RFWD3: variants seen among roughly 807,000 people sequenced by gnomAD.
The protein encoded by RFWD3 is ring finger and WD repeat domain 3.
A neutral mutation model predicts 87.7 loss-of-function variants in RFWD3; 65 were observed. That is an observed-to-expected ratio of 0.74 (90% CI 0.61 to 0.91). RFWD3 has a LOEUF of 0.91. Ranked by LOEUF, RFWD3 falls within the 40% of genes least tolerant of loss-of-function variation. RFWD3 has a pLI of 0.00. For missense variants in RFWD3, 1,078 were observed against 938.5 expected, an observed-to-expected ratio of 1.15 and a Z score of -1.94; for synonymous variants, 433 against 352.8, an observed-to-expected ratio of 1.23 and a Z score of -2.55.
Position 74,644,592 on chromosome 16 carries a change from C to T in RFWD3, c.936G>A (p.Gly312=). The part of the protein sequence containing the change: ...LSALRCGHLF[G]YRCISTWLKG... ...TAAGCCACGTGGAAATGCACCTATA[C>T]CCAAAGAGATGCCCACAGCGTAATG... The change falls in exon 5 of 13, where the codon GGG becomes GGA. Residue 312 remains glycine, a synonymous_variant. Transcript: ENST00000361070. 1 of 1,614,164 alleles carries T rather than the reference C, an allele frequency of 6.2e-7. No individual in the cohort carries two copies. The highest frequency in any genetic ancestry group is 8.5e-7 in the Non-Finnish European group (1 of 1,180,040).
chr16:74,628,400 T>C, intron 11 of RFWD3, 52 bp downstream of exon 11: 1 of 1,560,146 alleles, frequency 6.4e-7, no homozygotes, highest in Non-Finnish European at 8.8e-7. Flanking sequence ...CCTTCCCTTT[T>C]CTCTACCACT....
chr16:74,646,814 T>C (rs1184744061), intron 4 of RFWD3, among the ~76,000 whole-genome samples: 1 of 152,190 alleles, frequency 6.6e-6, no homozygotes, highest in Non-Finnish European at 1.5e-5. Flanking sequence ...GGCTCACGCC[T>C]GTAATCCCAG....
At chr16:74,634,516 C>T (rs1192932703) in intron 8 of RFWD3, among the ~76,000 whole-genome samples, 1 of 152,192 alleles carries the variant, frequency 6.6e-6, no homozygotes, top group Middle Eastern at 3.4e-3. Flanking sequence ...TCCCAAGTAG[C>T]TGGGACCAGA....
intron 2 of RFWD3, 33 bp downstream of exon 2, chr16:74,660,899 A>C (rs777430520): frequency 1.9e-6 from 3 of 1,578,056 alleles, no homozygotes; most frequent in African/African-American, 2.7e-5. Flanking sequence ...CTAGTACAGC[A>C]ATGATCACAG....
chr16:74,655,180 C>A (rs1315934008), intron 2 of RFWD3, among the ~76,000 whole-genome samples: 1 of 152,198 alleles, frequency 6.6e-6, no homozygotes, highest in Admixed American at 6.5e-5. Flanking sequence ...GGCTTCAAGG[C>A]TCAAAGGACA....
intron 8 of RFWD3, among the ~76,000 whole-genome samples, chr16:74,634,119 TGA>T (rs1345516479): frequency 6.6e-6 from 1 of 152,178 alleles, no homozygotes; most frequent in Non-Finnish European, 1.5e-5. Flanking sequence ...ATAAAGCTGT[TGA>T]GAGACAGAAT....
At chr16:74,633,064 G>T (rs981408261) in intron 8 of RFWD3, among the ~76,000 whole-genome samples, 14 of 151,810 alleles carry the variant, frequency 9.2e-5, no homozygotes, top group Admixed American at 1.3e-4. Context: ...ATTACCTGAG[G>T]TCAGGAGTTC....
rs578041008 is a variant in RFWD3, at chr16:74,661,038, T to G, written c.412A>C (p.Arg138=). 31 of 1,614,230 alleles carry G rather than the reference T, an allele frequency of 1.9e-5. No homozygotes were observed. In the Admixed American group the frequency reaches 4.0e-4, roughly 21 times the overall value. ...QRLHGMLEFL[R]PSSSNHSVGP... is the part of the protein sequence containing the mutation. ...ACACTGTGGTTTGAAGATGAAGGTC[T>G]CAGGAATTCCAGCATGCCATGAAGT... Residue 138 remains arginine (R), a synonymous_variant, in exon 2 of 13, where the codon AGA becomes CGA. Transcript: ENST00000361070.
At chr16:74,641,994 T>C (rs1195258748) in intron 6 of RFWD3, among the ~76,000 whole-genome samples, 2 of 145,462 alleles carry the variant, frequency 1.4e-5, no homozygotes, top group African/African-American at 5.1e-5. Context: ...TTCTATATCA[T>C]ACTATGTATA....
intron 2 of RFWD3, among the ~76,000 whole-genome samples, chr16:74,659,391 T>C (rs1034258883): frequency 2.6e-5 from 4 of 152,116 alleles, no homozygotes; most frequent in African/African-American, 9.7e-5. Flanking sequence ...CACAAATGTA[T>C]GAAATCTTAC....
At chr16:74,627,893 A>G (rs1443933329) in intron 11 of RFWD3, among the ~76,000 whole-genome samples, 1 of 152,210 alleles carries the variant, frequency 6.6e-6, no homozygotes, top group Non-Finnish European at 1.5e-5. Flanking sequence ...AACACTGACC[A>G]TCAGTACAGT....
intron 8 of RFWD3, among the ~76,000 whole-genome samples, chr16:74,635,729 G>A (rs1300910341): frequency 6.6e-6 from 1 of 152,186 alleles, no homozygotes; most frequent in South Asian, 2.1e-4. Context: ...CTAAAGCAAA[G>A]GGGTCTTGCA....
In RFWD3 at chr16:74,661,009, C is replaced by T. The variant is rs759696171; in HGVS notation, c.441G>A (p.Gly147=). 5.6e-6 allele frequency: 9 copies of T among 1,614,176 alleles called. No homozygotes were observed. Among genetic ancestry groups the T allele is most frequent in the Non-Finnish European group, 7.6e-6 (9 of 1,180,036 alleles). Residue 147 remains glycine, a synonymous_variant, in exon 2 of 13, where the codon GGG becomes GGA. Coordinates refer to ENST00000361070, the MANE Select transcript of RFWD3 (RefSeq NM_018124.4). ...LRPSSSNHSV[G]PMRTRRRVSA... is the part of the protein sequence containing the mutation. ...ATACCCTCCTTCTTGTTCTCATTGG[C>T]CCTACACTGTGGTTTGAAGATGAAG...
intron 6 of RFWD3, 121 bp downstream of exon 6, chr16:74,644,241 A>G: frequency 1.1e-6 from 1 of 883,582 alleles, no homozygotes; most frequent in Non-Finnish European, 1.9e-6. Flanking sequence ...AATGATCCCC[A>G]GAGATCCCAA....
At chr16:74,624,589 G>A (rs1167725509) in intron 12 of RFWD3, among the ~76,000 whole-genome samples, 1 of 152,164 alleles carries the variant, frequency 6.6e-6, no homozygotes, top group Non-Finnish European at 1.5e-5. Context: ...GTAGAGATGG[G>A]TTTCACCATG....
chr16:74,634,372 A>G (rs929017072), intron 8 of RFWD3, among the ~76,000 whole-genome samples: 9 of 115,768 alleles, frequency 7.8e-5, no homozygotes, highest in African/African-American at 3.6e-4. Flanking sequence ...TTTTTTACTA[A>G]GTACTTTATA....
Position 74,661,033 on chromosome 16 carries a change from A to C in RFWD3, c.417T>G (p.Pro139=), listed in dbSNP as rs1011144581. 1 of 1,614,170 alleles carries C rather than the reference A, an allele frequency of 6.2e-7. No homozygotes were observed. Among genetic ancestry groups the C allele is most frequent in the African/African-American group, 1.3e-5 (1 of 75,054 alleles). Residue 139 remains proline (P), a synonymous_variant, in exon 2 of 13, where the codon CCT becomes CCG. Coordinates refer to ENST00000361070, the MANE Select transcript of RFWD3 (RefSeq NM_018124.4). ...RLHGMLEFLR[P]SSSNHSVGPM... is the part of the protein sequence containing the mutation. ...GCCCTACACTGTGGTTTGAAGATGA[A>C]GGTCTCAGGAATTCCAGCATGCCAT...
intron 1 of RFWD3, among the ~76,000 whole-genome samples, chr16:74,662,123 A>G (rs1419917294): frequency 1.3e-5 from 2 of 151,554 alleles, no homozygotes; most frequent in African/African-American, 4.9e-5. Context: ...GAAAACTACC[A>G]CCTAGTTTTT....
chr16:74,655,644 G>C (rs1223124793), intron 2 of RFWD3, among the ~76,000 whole-genome samples: 1 of 151,094 alleles, frequency 6.6e-6, no homozygotes. Context: ...TTTTGAGATG[G>C]AGTCTCGCTC....
Sources: gnomAD v4.1 joint callset for allele counts (sites outside exome capture counted in the v4.1 genomes callset) on GRCh38, gnomAD v4.1.1 for gene constraint, MANE v1.5 for transcripts, NCBI Gene and HGNC (gene_info 2026-07-23, HGNC 2026-07-21) for gene names.